Variants in RP1 observed in about 807,000 individuals in gnomAD.
The protein encoded by RP1 is oxygen-regulated protein 1.
In RP1, 16 loss-of-function variants were observed where a neutral mutation model predicts 14.8. The ratio of observed to expected loss-of-function variants is 1.08; its 90% CI spans 0.73 to 1.65. RP1 has a LOEUF of 1.65. Ranked by LOEUF, RP1 falls within the 40% of genes most tolerant of loss-of-function variation. The pLI, the probability that RP1 is intolerant of heterozygous loss-of-function variation, is 0.00. For synonymous variants in RP1, 876 were observed against 883.6 expected, an observed-to-expected ratio of 0.99 and a Z score of 0.15; for missense variants, 2,631 against 2,535.0, an observed-to-expected ratio of 1.04 and a Z score of -0.81.
intron 24 of RP1, among the ~76,000 whole-genome samples, chr8:54,809,136 T>A (rs2129392341): frequency 6.6e-6 from 1 of 152,366 alleles, no homozygotes; most frequent in South Asian, 2.1e-4. Flanking sequence ...CAATAACTTT[T>A]GCTTCCTTCA....
At chr8:54,576,937 T>A (rs993816964) in intron 1 of RP1, among the ~76,000 whole-genome samples, 8 of 152,214 alleles carry the variant, frequency 5.3e-5, no homozygotes, top group Admixed American at 3.3e-4. Flanking sequence ...ATCAGGATAG[T>A]TTTAAGTTTC....
At chr8:54,694,549 A>C (rs1240522090) in intron 12 of RP1, among the ~76,000 whole-genome samples, 3 of 152,056 alleles carry the variant, frequency 2.0e-5, no homozygotes. Flanking sequence ...TAGTCTTGGG[A>C]GGGTATATGT....
chr8:54,682,235 T>A (rs1807453033), intron 12 of RP1, among the ~76,000 whole-genome samples: 1 of 152,134 alleles, frequency 6.6e-6, no homozygotes, highest in African/African-American at 2.4e-5. Flanking sequence ...CCCCTTTTTT[T>A]TAAATTAAAA....
downstream of RP1, among the ~76,000 whole-genome samples, chr8:54,770,395 T>C (rs1809872002): frequency 6.6e-6 from 1 of 151,782 alleles, no homozygotes; most frequent in South Asian, 2.1e-4. Flanking sequence ...TTCAATAATT[T>C]AAATATATAT....
At chr8:54,645,484 A>G (rs1199136113) in intron 3 of RP1, among the ~76,000 whole-genome samples, 1 of 152,118 alleles carries the variant, frequency 6.6e-6, no homozygotes, top group African/African-American at 2.4e-5. Flanking sequence ...CCTGAGTATC[A>G]TTTCATTTTC....
intron 17 of RP1, among the ~76,000 whole-genome samples, chr8:54,730,528 C>T (rs1042816584): frequency 2.0e-5 from 3 of 152,048 alleles, no homozygotes; most frequent in East Asian, 3.9e-4. Context: ...AATACAGTCT[C>T]AGCTTGGAAT....
At chr8:54,562,225 A>G (rs1004853528) in intron 1 of RP1, among the ~76,000 whole-genome samples, 20 of 152,250 alleles carry the variant, frequency 1.3e-4, no homozygotes, top group African/African-American at 4.3e-4. Flanking sequence ...ACTAGTGAAT[A>G]TGAATATGGG....
chr8:54,679,811 C>A (rs536393598), exon 12 of RP1: 1 of 1,535,796 alleles, frequency 6.5e-7, no homozygotes, highest in African/African-American at 1.4e-5. Flanking sequence ...TAGTGGACTG[C>A]AGAAAGCTGG....
At chr8:54,636,316 T>A (rs879470374) in intron 3 of RP1, among the ~76,000 whole-genome samples, 14 of 152,184 alleles carry the variant, frequency 9.2e-5, no homozygotes, top group Non-Finnish European at 1.5e-4. Context: ...TAAAGAGGCA[T>A]CCCATGGAAG....
rs1048789644 is a variant in RP1, at chr8:54,608,062, G to C, written c.-12-12893G>C. Among the ~76,000 whole-genome samples the C allele has an allele frequency of 2.6e-5, 4 of 151,900 alleles. No individual in the cohort carries two copies. The South Asian group carries it at 6.2e-4, about 24-fold the overall frequency. On this transcript the variant is annotated intron_variant, in intron 1 of 22. Coordinates refer to the RP1 transcript ENST00000636932. ...CTCCACCCACTGTCCTGCACCCACTGTCTGACACTCCCCAGTGATATGAAC... is the reference window on the plus strand; with the variant it reads ...CTCCACCCACTGTCCTGCACCCACTCTCTGACACTCCCCAGTGATATGAAC...
At chr8:54,640,129 T>C (rs1806427715) in intron 3 of RP1, among the ~76,000 whole-genome samples, 2 of 151,756 alleles carry the variant, frequency 1.3e-5, no homozygotes, top group Admixed American at 6.6e-5. Context: ...TTTTTTTAAA[T>C]ATACTGTGGG....
intron 24 of RP1, among the ~76,000 whole-genome samples, chr8:54,795,945 C>T (rs537676584): frequency 3.2e-4 from 48 of 152,272 alleles, no homozygotes; most frequent in African/African-American, 1.1e-3. Context: ...ATTCCTTTAC[C>T]TCTTTCTCTT....
chr8:54,797,805 C>A (rs1810609847), intron 24 of RP1, among the ~76,000 whole-genome samples: 1 of 150,234 alleles, frequency 6.7e-6, no homozygotes, highest in Admixed American at 6.6e-5. Flanking sequence ...AACTGTGTTG[C>A]CATTTTTATT....
At chr8:54,787,553 C>T (rs536709636) in intron 24 of RP1, among the ~76,000 whole-genome samples, 1 of 152,216 alleles carries the variant, frequency 6.6e-6, no homozygotes, top group Non-Finnish European at 1.5e-5. Flanking sequence ...TACTTATAAA[C>T]CTGCCCAGAA....
At chr8:54,823,975 C>T (rs1357598089) in intron 24 of RP1, among the ~76,000 whole-genome samples, 1 of 152,072 alleles carries the variant, frequency 6.6e-6, no homozygotes, top group Non-Finnish European at 1.5e-5. Context: ...TTTATTTTAG[C>T]TATCCTAATA....
At chr8:54,748,270 G>A (rs1344984087) in intron 19 of RP1, among the ~76,000 whole-genome samples, 2 of 152,144 alleles carry the variant, frequency 1.3e-5, no homozygotes, top group Non-Finnish European at 2.9e-5. Context: ...ACCACATAAA[G>A]GAAATAGCAA....
At chr8:54,573,199 C>G (rs1306236876) in intron 1 of RP1, among the ~76,000 whole-genome samples, 1 of 152,084 alleles carries the variant, frequency 6.6e-6, no homozygotes, top group African/African-American at 2.4e-5. Context: ...CAGTCATCAC[C>G]TTCTTTTTTT....
intron 24 of RP1, among the ~76,000 whole-genome samples, chr8:54,829,935 T>G (rs1176746087): frequency 6.6e-6 from 1 of 152,164 alleles, no homozygotes; most frequent in African/African-American, 2.4e-5. Context: ...TGAATTAAAA[T>G]TTTATATCCA....
chr8:54,740,808 C>T (rs996522632), intron 19 of RP1, among the ~76,000 whole-genome samples: 12 of 151,738 alleles, frequency 7.9e-5, no homozygotes, highest in Non-Finnish European at 1.6e-4. Flanking sequence ...CTTTGGGAGG[C>T]CGAAGTGGAA....
Sources: gnomAD v4.1 joint callset for allele counts (sites outside exome capture counted in the v4.1 genomes callset) on GRCh38, gnomAD v4.1.1 for gene constraint, MANE v1.5 for transcripts, NCBI Gene and HGNC (gene_info 2026-07-23, HGNC 2026-07-21) for gene names.